CCDC7: variants seen among roughly 807,000 people sequenced by gnomAD.
The protein encoded by CCDC7 is coiled-coil domain-containing protein 7.
CCDC7 carries 183 observed loss-of-function variants against 196.9 expected under a neutral mutation model. The observed-to-expected ratio is 0.93, with a 90% CI of 0.82 to 1.05. The LOEUF (loss-of-function observed/expected upper bound fraction) is 1.05, where lower values mean the gene tolerates loss of function less well. Ranked by LOEUF, CCDC7 falls within the 50% of genes least tolerant of loss-of-function variation. The pLI is 0.00. For synonymous variants in CCDC7, 525 were observed against 484.6 expected, an observed-to-expected ratio of 1.08 and a Z score of -1.10; for missense variants, 1,540 against 1,482.2, an observed-to-expected ratio of 1.04 and a Z score of -0.64.
At chr10:32,742,312 G>A (rs139463568) in intron 28 of CCDC7, among the ~76,000 whole-genome samples, 1,689 of 152,158 alleles carry the variant, frequency 0.011, 20 homozygotes, top group Non-Finnish European at 0.015. Flanking sequence ...TAAAACATTT[G>A]TTATAACCAA....
intron 24 of CCDC7, among the ~76,000 whole-genome samples, chr10:32,699,242 C>T (rs1396600409): frequency 1.5e-5 from 2 of 129,808 alleles, no homozygotes; most frequent in African/African-American, 5.9e-5. Context: ...TGTGATGTTC[C>T]CCTTCCTGTG....
chr10:32,654,978 A>AT (rs1422192555), intron 20 of CCDC7, among the ~76,000 whole-genome samples: 1 of 152,154 alleles, frequency 6.6e-6, no homozygotes, highest in East Asian at 1.9e-4. Flanking sequence ...ACCACTGATC[A>AT]TTTTTTGACA....
chr10:32,636,885 C>T (rs1441742425), intron 20 of CCDC7, among the ~76,000 whole-genome samples: 1 of 152,126 alleles, frequency 6.6e-6, no homozygotes, highest in East Asian at 1.9e-4. Flanking sequence ...TCCTCTCCAG[C>T]ACCTGTTGTT....
At position 32,686,648 on chromosome 10, in the gene CCDC7, G is replaced by A. The variant is rs12269302; in HGVS notation, c.2233+568G>A. Among the ~76,000 whole-genome samples, 723 of 152,328 alleles carry A rather than the reference G, an allele frequency of 4.7e-3. 11 individuals carry two copies. Among genetic ancestry groups the A allele is most frequent in the African/African-American group, 0.017 (700 of 41,572 alleles). On this transcript the variant is annotated intron_variant, in intron 22 of 41. Transcript: ENST00000639629. ...TGCCAGTAGCAGAATAGGTTCACAA[G>A]TTGCTTGGCCTCTTGTGTATTTGTT...
At chr10:32,543,236 C>G (rs1470305959) in intron 11 of CCDC7, 64 bp from the exon 13 acceptor site, 2 of 1,248,310 alleles carry the variant, frequency 1.6e-6, no homozygotes, top group Non-Finnish European at 2.1e-6. Context: ...TGTATATTAT[C>G]ATATCTTTCT....
At chr10:32,829,670 A>G (rs1259697195) in intron 32 of CCDC7, among the ~76,000 whole-genome samples, 1 of 152,004 alleles carries the variant, frequency 6.6e-6, no homozygotes, top group Non-Finnish European at 1.5e-5. Context: ...ATCTCAGGAG[A>G]TGTGTACGGG....
intron 13 of CCDC7, 68 bp downstream of exon 14, chr10:32,544,369 A>G: frequency 1.4e-6 from 2 of 1,475,530 alleles, no homozygotes; most frequent in Non-Finnish European, 1.9e-6. Context: ...ATATATAGAG[A>G]AACATTATTA....
At chr10:32,455,854 T>C (rs2034215708) in intron 2 of CCDC7, among the ~76,000 whole-genome samples, 2 of 152,250 alleles carry the variant, frequency 1.3e-5, no homozygotes, top group Admixed American at 1.3e-4. Flanking sequence ...TCATGGCAAT[T>C]ATACAGTTAG....
At chr10:32,552,515 G>T (rs553596913) in intron 13 of CCDC7, among the ~76,000 whole-genome samples, 46 of 152,260 alleles carry the variant, frequency 3.0e-4, no homozygotes, top group African/African-American at 1.1e-3. Flanking sequence ...TATAGATCCT[G>T]TGTGAATTTA....
intron 29 of CCDC7, among the ~76,000 whole-genome samples, chr10:32,799,808 G>C (rs1277821234): frequency 6.6e-6 from 1 of 152,140 alleles, no homozygotes; most frequent in African/African-American, 2.4e-5. Flanking sequence ...CAATATAATG[G>C]ACCAGTGTGA....
intron 28 of CCDC7, among the ~76,000 whole-genome samples, chr10:32,765,640 C>T (rs1268980484): frequency 6.6e-6 from 1 of 151,980 alleles, no homozygotes; most frequent in Non-Finnish European, 1.5e-5. Flanking sequence ...AGATTAGTGA[C>T]TTCATCAAGG....
chr10:32,723,956 A>G (rs1378874361), intron 25 of CCDC7, among the ~76,000 whole-genome samples: 1 of 152,024 alleles, frequency 6.6e-6, no homozygotes, highest in East Asian at 1.9e-4. Context: ...TTTTGTTGCC[A>G]TTGCCTCCGA....
At chr10:32,529,531 G>A (rs1015557340) in intron 11 of CCDC7, among the ~76,000 whole-genome samples, 1 of 152,114 alleles carries the variant, frequency 6.6e-6, no homozygotes, top group African/African-American at 2.4e-5. Flanking sequence ...TAGTGATGTT[G>A]AGCATTTTTT....
rs552003389 is a variant in CCDC7, at chr10:32,649,382, G to A, written c.2014+14224G>A. 6.6e-5 allele frequency among the ~76,000 whole-genome samples: 10 copies of A among 152,292 alleles called. No individual in the cohort carries two copies. In the East Asian group the frequency reaches 1.3e-3, roughly 21 times the overall value. ...CTGTCTTGTAATGTTTCTGCTGAGA[G>A]GTCTGCTGCTAGGCTGATGGAATTC... On this transcript the variant is annotated intron_variant, in intron 20 of 41. Transcript: ENST00000639629.
downstream of CCDC7, among the ~76,000 whole-genome samples, chr10:32,879,005 A>T (rs1044736595): frequency 1.3e-5 from 2 of 152,102 alleles, no homozygotes; most frequent in Non-Finnish European, 2.9e-5. Flanking sequence ...AGGCCATTCA[A>T]ATTGGCAAGG....
chr10:32,607,686 A>G (rs1312149858), intron 18 of CCDC7, among the ~76,000 whole-genome samples: 10 of 152,314 alleles, frequency 6.6e-5, no homozygotes, highest in East Asian at 1.9e-4. Flanking sequence ...CCACTTGATC[A>G]TGGTGAATTA....
rs142084004 is a variant in CCDC7, at chr10:32,470,325, C to T, written c.511-739C>T. On this transcript the variant is annotated intron_variant, in intron 5 of 41. Transcript: ENST00000639629. The stretch of plus-strand genomic sequence containing the variant: ...GGCAAGCAATTATTTTAACATTACT[C>T]TTGTGCCATTTTCCTATCAAAACTT... 1.4e-3 allele frequency among the ~76,000 whole-genome samples: 213 copies of T among 152,252 alleles called. 2 individuals carry two copies. The highest frequency in any genetic ancestry group is 4.9e-3 in the African/African-American group (204 of 41,552).
intron 21 of CCDC7, among the ~76,000 whole-genome samples, chr10:32,683,898 G>C (rs1343016597): frequency 1.3e-5 from 2 of 152,198 alleles, no homozygotes; most frequent in South Asian, 2.1e-4. Flanking sequence ...CAGTGTGGCT[G>C]TTTTTCTTTA....
chr10:32,566,643 G>A (rs1178966397), intron 14 of CCDC7, among the ~76,000 whole-genome samples: 1 of 151,884 alleles, frequency 6.6e-6, no homozygotes, highest in Non-Finnish European at 1.5e-5. Flanking sequence ...GGGCATCATG[G>A]TTCATGCCTG....
Sources: allele counts gnomAD v4.1 joint callset (sites outside exome capture counted in the v4.1 genomes callset), GRCh38; gene constraint gnomAD v4.1.1; transcripts MANE v1.5; gene names NCBI Gene and HGNC (gene_info 2026-07-23, HGNC 2026-07-21).